The following STK24 variants were observed in gnomAD, a reference collection of about 807,000 sequenced individuals.
The protein encoded by STK24 is serine/threonine-protein kinase 24.
In STK24, 21 loss-of-function variants were observed where a neutral mutation model predicts 55.6. The ratio of observed to expected loss-of-function variants is 0.38; its 90% CI spans 0.27 to 0.54. The LOEUF (loss-of-function observed/expected upper bound fraction) is 0.54. Ranked by LOEUF, STK24 falls within the 20% of genes least tolerant of loss-of-function variation. STK24 has a pLI of 0.79. For missense variants in STK24, 383 were observed against 538.4 expected (o/e 0.71, Z 2.86); for synonymous variants, 200 against 215.2 (o/e 0.93, Z 0.62).
intron 2 of STK24, among the ~76,000 whole-genome samples, chr13:98,499,086 A>T (rs1384125809): frequency 1.3e-5 from 2 of 152,144 alleles, no homozygotes; most frequent in African/African-American, 4.8e-5. Context: ...GTCTTTACTA[A>T]AAATACAAAA....
At chr13:98,533,457 T>TA (rs912775117) in intron 1 of STK24, among the ~76,000 whole-genome samples, 5 of 151,872 alleles carry the variant, frequency 3.3e-5, no homozygotes, top group Admixed American at 6.6e-5. Context: ...CTACTATCTA[T>TA]AAAAAAATAC....
chr13:98,533,852 G>C (rs563828993), intron 1 of STK24, among the ~76,000 whole-genome samples: 1 of 152,138 alleles, frequency 6.6e-6, no homozygotes, highest in East Asian at 1.9e-4. Context: ...CACAGTGCAG[G>C]GGAAGGTGAC....
At position 98,576,823 on chromosome 13, in the gene STK24, C is replaced by T; in HGVS notation, c.-37G>A. On this transcript the variant is annotated 5_prime_UTR_variant, in exon 1 of 11. Coordinates refer to ENST00000539966, the MANE Select transcript of STK24 (RefSeq NM_001032296.4). ...CGGCCACTTCCTGGGACGGGACGGC[C>T]GGGCCGCGACGATCCGCGCGGGGCG... The T allele has an allele frequency of 3.3e-6, 4 of 1,197,298 alleles. No homozygotes were observed. Among genetic ancestry groups the T allele is most frequent in the Non-Finnish European group, 3.1e-6 (3 of 965,540 alleles). The allele number at this position is 1,197,298 out of a possible 1,614,324, so 74.2% of individuals were successfully genotyped here.
chr13:98,481,820 C>T (rs749859469), intron 3 of STK24, among the ~76,000 whole-genome samples: 8 of 151,982 alleles, frequency 5.3e-5, no homozygotes, highest in Non-Finnish European at 1.0e-4. Flanking sequence ...AGGCTGAGAG[C>T]GGGGATCACT....
intron 1 of STK24, among the ~76,000 whole-genome samples, chr13:98,550,345 C>T (rs1415313847): frequency 1.3e-5 from 2 of 152,116 alleles, no homozygotes; most frequent in Non-Finnish European, 2.9e-5. Flanking sequence ...TTGAGACCAG[C>T]CTGAGCAACA....
intron 1 of STK24, among the ~76,000 whole-genome samples, chr13:98,532,552 G>A (rs1028709530): frequency 2.0e-5 from 3 of 152,080 alleles, no homozygotes; most frequent in Non-Finnish European, 2.9e-5. Context: ...CCTCTCTGGA[G>A]GTGAGCCCCA....
At chr13:98,503,423 C>T (rs1391782733) in intron 2 of STK24, among the ~76,000 whole-genome samples, 4 of 152,226 alleles carry the variant, frequency 2.6e-5, no homozygotes, top group Non-Finnish European at 5.9e-5. Context: ...AGCTAGAATT[C>T]ATTTGGTGAC....
chr13:98,513,548 C>A (rs1458213808), intron 2 of STK24, among the ~76,000 whole-genome samples: 2 of 152,170 alleles, frequency 1.3e-5, no homozygotes, highest in African/African-American at 4.8e-5. Context: ...CAGAGAGGTA[C>A]ACAGTGCCAG....
At chr13:98,520,680 G>T (rs78670167) in intron 1 of STK24, among the ~76,000 whole-genome samples, 1 of 152,336 alleles carries the variant, frequency 6.6e-6, no homozygotes, top group South Asian at 2.1e-4. Context: ...GGCCCATCAG[G>T]GGCCACCCAG....
chr13:98,562,917 TAA>T (rs575288091), intron 1 of STK24, among the ~76,000 whole-genome samples: 135 of 109,062 alleles, frequency 1.2e-3, no homozygotes, highest in African/African-American at 3.3e-3. Flanking sequence ...CTCCCTCTCT[TAA>T]AAAAAAAAAA....
chr13:98,544,830 A>C (rs1233188986), intron 1 of STK24, among the ~76,000 whole-genome samples: 1 of 152,266 alleles, frequency 6.6e-6, no homozygotes, highest in Non-Finnish European at 1.5e-5. Context: ...AAAAAGCATT[A>C]ACACAGCTAG....
chr13:98,536,020 G>A (rs1283562066), intron 1 of STK24, among the ~76,000 whole-genome samples: 10 of 152,172 alleles, frequency 6.6e-5, no homozygotes, highest in South Asian at 6.2e-4. Context: ...AATTAATAAC[G>A]CATTTCCTTT....
chr13:98,483,119 G>A (rs7990310), intron 2 of STK24, among the ~76,000 whole-genome samples: 3,321 of 152,322 alleles, frequency 0.022, 134 homozygotes, highest in African/African-American at 0.075. Context: ...AAACCTGTCC[G>A]CCCTCCTTGG....
In STK24 at chr13:98,576,869, G is replaced by A. The variant is rs909682966; in HGVS notation, c.-83C>T. 37 of 926,558 alleles carry A rather than the reference G, an allele frequency of 4.0e-5. No homozygotes were observed. The African/African-American group carries it at 6.2e-4, about 15-fold the overall frequency. The allele number at this position is 926,558 out of a possible 1,614,324, so 57.4% of individuals were successfully genotyped here. Reference sequence around the variant, plus strand: ...GGGCGGCGAGGCCCGCGGGCCGCGCGCAGCCCTCGGGCGGCGGGGCCGGCC... The same window carrying A: ...GGGCGGCGAGGCCCGCGGGCCGCGCACAGCCCTCGGGCGGCGGGGCCGGCC... On this transcript the variant is annotated 5_prime_UTR_variant, in exon 1 of 11. Transcript: ENST00000539966.
At chr13:98,482,670 G>A (rs1368290904) in intron 2 of STK24, among the ~76,000 whole-genome samples, 1 of 152,214 alleles carries the variant, frequency 6.6e-6, no homozygotes, top group Non-Finnish European at 1.5e-5. Context: ...AGTGAGAGCT[G>A]AGAACTTGCA....
At chr13:98,503,024 G>GTTTTTTTTTTTTTTTTTTTTTTTTTTTTT (rs398038978) in intron 2 of STK24, among the ~76,000 whole-genome samples, 1 of 107,084 alleles carries the variant, frequency 9.3e-6, no homozygotes, top group African/African-American at 4.0e-5. Flanking sequence ...CTTTCCATGT[G>GTTTTTTTTTTTTTTTTTTTTTTTTTTTTT]TTTTTTTTTT....
At chr13:98,485,818 G>T (rs1461832069) in intron 2 of STK24, among the ~76,000 whole-genome samples, 2 of 152,220 alleles carry the variant, frequency 1.3e-5, no homozygotes, top group African/African-American at 4.8e-5. Flanking sequence ...TCGGCCCGGG[G>T]GACCGGATGG....
At position 98,446,734 on chromosome 13, in the gene STK24, C is replaced by T. The variant is rs1892865171; in HGVS notation, c.*6439G>A. 3 of 1,614,184 alleles carry T rather than the reference C, an allele frequency of 1.9e-6. No individual in the cohort carries two copies. Among genetic ancestry groups the T allele is most frequent in the Middle Eastern group, 1.6e-4 (1 of 6,062 alleles). On this transcript the variant is annotated 3_prime_UTR_variant, in exon 11 of 11. Coordinates refer to ENST00000539966, the MANE Select transcript of STK24 (RefSeq NM_001032296.4). ...TCACCATCCCCTCTGAGTCCGAGAA[C>T]ATCCAGAAAGACTACGTGTTCAAGC...
At chr13:98,518,145 A>G (rs974207951) in intron 2 of STK24, among the ~76,000 whole-genome samples, 5 of 152,208 alleles carry the variant, frequency 3.3e-5, no homozygotes, top group African/African-American at 1.2e-4. Context: ...CCTATGACAC[A>G]CTGCTGTCCT....
Sources: gnomAD v4.1 joint callset for allele counts (sites outside exome capture counted in the v4.1 genomes callset) on GRCh38, gnomAD v4.1.1 for gene constraint, MANE v1.5 for transcripts, NCBI Gene and HGNC (gene_info 2026-07-23, HGNC 2026-07-21) for gene names.